RFC3: variants seen among roughly 807,000 people sequenced by gnomAD.
RFC3 encodes replication factor C subunit 3.
A neutral mutation model predicts 45.1 loss-of-function variants in RFC3; 41 were observed. That is an observed-to-expected ratio of 0.91 (90% CI 0.71 to 1.18). The LOEUF is 1.18. RFC3 is among the 50% of genes most tolerant of loss of function. RFC3 has a pLI of 0.00. For synonymous variants in RFC3, 149 were observed against 144.0 expected, an observed-to-expected ratio of 1.03 and a Z score of -0.25; for missense variants, 423 against 428.1, an observed-to-expected ratio of 0.99 and a Z score of 0.10.
intron 8 of RFC3, among the ~76,000 whole-genome samples, chr13:33,944,496 C>T (rs1185699149): frequency 6.6e-6 from 1 of 152,100 alleles, no homozygotes; most frequent in Non-Finnish European, 1.5e-5. Flanking sequence ...TTTAGTCACA[C>T]ATATGTTTAA....
chr13:33,970,262 A>T (rs1047760504), downstream of RFC3, among the ~76,000 whole-genome samples: 3 of 152,206 alleles, frequency 2.0e-5, no homozygotes, highest in Non-Finnish European at 2.9e-5. Context: ...AAAAGACATG[A>T]TCTCATTCCT....
chr13:33,865,785 G>A (rs2082369255), intron 8 of RFC3, among the ~76,000 whole-genome samples: 1 of 152,184 alleles, frequency 6.6e-6, no homozygotes, highest in Non-Finnish European at 1.5e-5. Flanking sequence ...CAGGTATGGT[G>A]GCTCACACCT....
chr13:33,818,306 CCCCG>C (rs2081967047), intron 1 of RFC3, 41 bp downstream of exon 1: 1 of 1,575,292 alleles, frequency 6.3e-7, no homozygotes, highest in Non-Finnish European at 8.7e-7. Context: ...AGGGGAGGCC[CCCCG>C]GCTCGGGGTT....
intron 8 of RFC3, among the ~76,000 whole-genome samples, chr13:33,936,844 G>T (rs913924277): frequency 2.0e-5 from 3 of 152,112 alleles, no homozygotes; most frequent in African/African-American, 4.8e-5. Context: ...GGTGCTAGAG[G>T]ATTGGAGGTT....
chr13:33,900,306 G>A (rs1029648950), intron 8 of RFC3, among the ~76,000 whole-genome samples: 2 of 151,960 alleles, frequency 1.3e-5, no homozygotes, highest in African/African-American at 4.8e-5. Context: ...AACCAAATCA[G>A]CATGGTACTG....
In RFC3 at chr13:33,929,396, A is replaced by G. The variant is rs372084070; in HGVS notation, c.880-36691A>G. Among the ~76,000 whole-genome samples the G allele has an allele frequency of 2.0e-5, 3 of 152,120 alleles. No homozygotes were observed. The East Asian group carries it at 5.8e-4, about 29-fold the overall frequency. ...CTTCATATTGCAAGTCAATGGAAAA[A>G]CTATACTTTCTTTATAGAGATTTAA... On this transcript the variant is annotated intron_variant, in intron 8 of 8. Coordinates refer to the RFC3 transcript ENST00000434425.
At chr13:33,961,179 A>G (rs1171673679) in intron 8 of RFC3, among the ~76,000 whole-genome samples, 1 of 152,120 alleles carries the variant, frequency 6.6e-6, no homozygotes, top group Non-Finnish European at 1.5e-5. Flanking sequence ...CCCGCCTATT[A>G]CACACATGGT....
At position 33,836,216 on chromosome 13, in the gene RFC3, A is replaced by G. The variant is rs770103853; in HGVS notation, c.992A>G (p.His331Arg). The G allele has an allele frequency of 1.2e-6, 2 of 1,613,554 alleles. No homozygotes were observed. Among genetic ancestry groups the G allele is most frequent in the Non-Finnish European group, 1.7e-6 (2 of 1,179,586 alleles). ...RLQLGSKAIYHLEAFVAKFMA... is the reference protein window; with the variant it reads ...RLQLGSKAIYRLEAFVAKFMA... ...CAGCTGGGTAGCAAAGCCATTTATC[A>G]CTTGGAAGCGTTTGTGGCCAAATTC... Residue 331 changes from histidine to arginine, a missense_variant, in exon 9 of 9, where the codon CAC becomes CGC. His to Arg is a conservative substitution (Grantham distance 29). Transcript: ENST00000380071.
chr13:33,936,403 A>AC lies in RFC3; in HGVS notation c.880-29678dup, dbSNP rs146171229. On this transcript the variant is annotated intron_variant, in intron 8 of 8. Transcript: ENST00000434425. ...GATGCTATTATGGGTTGAATTTTGTACCCCCCAAAATACATAAAAGTTGCA... is the reference window on the plus strand; with the variant it reads ...GATGCTATTATGGGTTGAATTTTGTACCCCCCCAAAATACATAAAAGTTGCA... Among the ~76,000 whole-genome samples, 1,296 of 151,880 alleles carry AC rather than the reference A, an allele frequency of 8.5e-3. 24 individuals carry two copies. Among genetic ancestry groups the AC allele is most frequent in the African/African-American group, 0.03 (1,249 of 41,422 alleles).
intron 8 of RFC3, among the ~76,000 whole-genome samples, chr13:33,945,537 G>A (rs1334247611): frequency 3.3e-5 from 5 of 152,138 alleles, no homozygotes; most frequent in Admixed American, 6.6e-5. Context: ...TCTGGGTAAC[G>A]AGGCTCTGTA....
downstream of RFC3, among the ~76,000 whole-genome samples, chr13:33,839,596 G>GT (rs754594342): frequency 3.9e-5 from 6 of 152,162 alleles, no homozygotes; most frequent in Admixed American, 6.5e-5. Context: ...TGAATTGGTT[G>GT]TTTTTTGACA....
intron 8 of RFC3, among the ~76,000 whole-genome samples, chr13:33,921,997 C>T (rs1185092886): frequency 6.6e-6 from 1 of 152,058 alleles, no homozygotes; most frequent in African/African-American, 2.4e-5. Flanking sequence ...GTTCTTCTTC[C>T]CATCTGTCAG....
intron 8 of RFC3, among the ~76,000 whole-genome samples, chr13:33,894,658 T>G (rs1440545656): frequency 6.6e-6 from 1 of 152,194 alleles, no homozygotes; most frequent in Non-Finnish European, 1.5e-5. Flanking sequence ...TTTTGGGTTC[T>G]GAGCGCAGAT....
chr13:33,868,714 C>G (rs1346615022), intron 8 of RFC3, among the ~76,000 whole-genome samples: 1 of 152,206 alleles, frequency 6.6e-6, no homozygotes, highest in African/African-American at 2.4e-5. Context: ...TGCTCCCACT[C>G]TGTGGAGTGT....
At chr13:33,949,578 C>T (rs2082976028) in intron 8 of RFC3, among the ~76,000 whole-genome samples, 2 of 152,192 alleles carry the variant, frequency 1.3e-5, no homozygotes, top group Admixed American at 1.3e-4. Flanking sequence ...TGCTTTTCCT[C>T]ATGACATGAT....
At chr13:33,903,238 C>CT (rs1380012520) in intron 8 of RFC3, among the ~76,000 whole-genome samples, 1 of 152,086 alleles carries the variant, frequency 6.6e-6, no homozygotes. Context: ...AGATCAAACA[C>CT]TGATTTGTAG....
intron 8 of RFC3, among the ~76,000 whole-genome samples, chr13:33,956,808 T>C (rs570619228): frequency 6.6e-6 from 1 of 152,280 alleles, no homozygotes; most frequent in African/African-American, 2.4e-5. Context: ...AATGAGAAAA[T>C]TTAGAACCTA....
intron 8 of RFC3, among the ~76,000 whole-genome samples, chr13:33,867,618 C>G (rs869678): frequency 0.77 from 116,813 of 152,012 alleles, 47,363 homozygotes; most frequent in Non-Finnish European, 0.92. Context: ...ATTACTTTAT[C>G]AAGTGGTGAA....
At chr13:33,955,605 G>A (rs1270940627) in intron 8 of RFC3, among the ~76,000 whole-genome samples, 4 of 152,140 alleles carry the variant, frequency 2.6e-5, no homozygotes, top group African/African-American at 9.7e-5. Flanking sequence ...CTCAACATAA[G>A]TGTTGTCCAG....
Sources: allele counts gnomAD v4.1 joint callset (sites outside exome capture counted in the v4.1 genomes callset), GRCh38; gene constraint gnomAD v4.1.1; transcripts MANE v1.5; gene names NCBI Gene and HGNC (gene_info 2026-07-23, HGNC 2026-07-21).